CACNG6: variants seen among roughly 807,000 people sequenced by gnomAD.
CACNG6 encodes voltage-dependent calcium channel gamma-6 subunit.
In CACNG6, 21 loss-of-function variants were observed where a neutral mutation model predicts 23.9. That is an observed-to-expected ratio of 0.88 (90% CI 0.62 to 1.26). The LOEUF (loss-of-function observed/expected upper bound fraction) is 1.26. Ranked by LOEUF, CACNG6 falls within the 50% of genes most tolerant of loss-of-function variation. The pLI is 0.00. For synonymous variants in CACNG6, 182 were observed against 168.9 expected, an observed-to-expected ratio of 1.08 and a Z score of -0.60; for missense variants, 340 against 352.9, an observed-to-expected ratio of 0.96 and a Z score of 0.29.
intron 3 of CACNG6, among the ~76,000 whole-genome samples, chr19:54,001,275 G>A (rs981258056): frequency 2.7e-5 from 4 of 150,704 alleles, no homozygotes; most frequent in Non-Finnish European, 4.4e-5. Flanking sequence ...TGCAACCTCC[G>A]CCTCTCAGGT....
At chr19:54,010,616 C>G (rs886892721) in intron 3 of CACNG6, among the ~76,000 whole-genome samples, 4 of 151,904 alleles carry the variant, frequency 2.6e-5, no homozygotes, top group African/African-American at 9.7e-5. Context: ...GCTGTGTTGT[C>G]CAGGCTGGAG....
intron 1 of CACNG6, 75 bp from the exon 2 acceptor site, chr19:53,998,164 G>T: frequency 7.5e-7 from 1 of 1,337,194 alleles, no homozygotes; most frequent in Non-Finnish European, 1.1e-6. Context: ...CCCGTGGGCT[G>T]TTAACTGTCC....
At chr19:54,005,856 G>A (rs978812399) in intron 3 of CACNG6, among the ~76,000 whole-genome samples, 5 of 151,268 alleles carry the variant, frequency 3.3e-5, no homozygotes, top group African/African-American at 9.7e-5. Flanking sequence ...TTTGGGAGCC[G>A]AGGCTGGCAG....
chr19:54,008,747 T>C (rs1175242277), intron 3 of CACNG6, among the ~76,000 whole-genome samples: 3 of 152,210 alleles, frequency 2.0e-5, no homozygotes, highest in African/African-American at 7.2e-5. Flanking sequence ...AAATGGCTTT[T>C]CTCGACACCA....
At chr19:54,008,413 C>T (rs2069669697) in intron 3 of CACNG6, among the ~76,000 whole-genome samples, 2 of 152,052 alleles carry the variant, frequency 1.3e-5, no homozygotes, top group African/African-American at 2.4e-5. Context: ...GGGGCTGGGG[C>T]GCAGGGAGGA....
chr19:53,997,790 T>C (rs2069535123), intron 1 of CACNG6, among the ~76,000 whole-genome samples: 1 of 152,168 alleles, frequency 6.6e-6, no homozygotes, highest in East Asian at 1.9e-4. Context: ...CCGCAGGAGC[T>C]CTTTGTGTGT....
chr19:53,996,200 G>A (rs1490924921), intron 1 of CACNG6, among the ~76,000 whole-genome samples: 3 of 151,866 alleles, frequency 2.0e-5, no homozygotes, highest in African/African-American at 2.4e-5. Context: ...TGTTATTCTC[G>A]ACCTCTCTTC....
chr19:53,991,882 C>A lies in CACNG6; in HGVS notation c.-996C>A, dbSNP rs2069464298. 6.6e-6 allele frequency among the ~76,000 whole-genome samples: 1 copy of A among 152,158 alleles called. No homozygotes were observed. The highest frequency in any genetic ancestry group is 2.1e-4 in the South Asian group (1 of 4,832). On this transcript the variant is annotated 5_prime_UTR_variant, in exon 1 of 4. Coordinates refer to ENST00000252729, the MANE Select transcript of CACNG6 (RefSeq NM_145814.2). Reference sequence around the variant, plus strand: ...AGCGTCTCTTGCGGGTCGCGGTTGGCCTTTGAACCCTGGGGGGACTCAGTC... The same window carrying A: ...AGCGTCTCTTGCGGGTCGCGGTTGGACTTTGAACCCTGGGGGGACTCAGTC...
chr19:54,010,720 G>A (rs564957133), intron 3 of CACNG6, among the ~76,000 whole-genome samples: 74 of 151,898 alleles, frequency 4.9e-4, no homozygotes, highest in African/African-American at 1.7e-3. Flanking sequence ...GACTACAAGC[G>A]TGCACCACCA....
chr19:54,011,119 G>A (rs1365107630), intron 3 of CACNG6, among the ~76,000 whole-genome samples: 3 of 148,336 alleles, frequency 2.0e-5, no homozygotes, highest in Admixed American at 6.9e-5. Flanking sequence ...TTGGGAGGCC[G>A]AGGTGGGTGG....
Position 53,995,151 on chromosome 19 carries a change from A to T in CACNG6, c.331+1943A>T, listed in dbSNP as rs566689212. On this transcript the variant is annotated intron_variant, in intron 1 of 3. Transcript: ENST00000252729. Reference sequence around the variant, plus strand: ...TGCCTCTCTTCTCAACAACTGCATTATATCACATCTCACTGGTCCATCAAG... The same window carrying T: ...TGCCTCTCTTCTCAACAACTGCATTTTATCACATCTCACTGGTCCATCAAG... Among the ~76,000 whole-genome samples, 268 of 152,192 alleles carry T rather than the reference A, an allele frequency of 1.8e-3. 1 individual carries two copies. Among genetic ancestry groups the T allele is most frequent in the African/African-American group, 6.3e-3 (261 of 41,520 alleles).
At position 54,011,203 on chromosome 19, in the gene CACNG6, A is replaced by ATATATAT. The variant is rs1236174156; in HGVS notation, c.545-748_545-747insTATATAT. ...CCCCGTCTCTACTAAAAAAAAAAAA[A>ATATATAT]AAATATATATATATATATATATATA... On this transcript the variant is annotated intron_variant, in intron 3 of 3. Transcript: ENST00000252729. Among the ~76,000 whole-genome samples the ATATATAT allele has an allele frequency of 6.4e-3, 644 of 100,052 alleles. 3 individuals are homozygous for ATATATAT. The highest frequency in any genetic ancestry group is 9.1e-3 in the Non-Finnish European group (504 of 55,402). 65.6% of individuals were successfully genotyped at this position (100,052 alleles called of 152,430 possible). A position where few individuals can be genotyped will look rare whatever the true frequency, so the allele number is the denominator to read the frequency against.
At chr19:53,995,844 T>C (rs945437299) in intron 1 of CACNG6, among the ~76,000 whole-genome samples, 6 of 152,186 alleles carry the variant, frequency 3.9e-5, no homozygotes, top group Admixed American at 6.5e-5. Context: ...GTATTTTTAG[T>C]AGAGACGGGG....
At position 53,992,725 on chromosome 19, in the gene CACNG6, G is replaced by A; in HGVS notation, c.-153G>A. 1 of 439,534 alleles carries A rather than the reference G, an allele frequency of 2.3e-6. No individual in the cohort carries two copies. The highest frequency in any genetic ancestry group is 3.5e-5 in the East Asian group (1 of 28,848). 27.2% of individuals were successfully genotyped at this position (439,534 alleles called of 1,614,324 possible). A position where few individuals can be genotyped will look rare whatever the true frequency, so the allele number is the denominator to read the frequency against. Reference sequence around the variant, plus strand: ...AAGCAATCTCGACTTTCGCATTTGAGATTCCAGACAGGACTCGGCTCTCCC... The same window carrying A: ...AAGCAATCTCGACTTTCGCATTTGAAATTCCAGACAGGACTCGGCTCTCCC... On this transcript the variant is annotated 5_prime_UTR_variant, in exon 1 of 4. Transcript: ENST00000252729. This position sits in a 1 kb window ranked among gnomAD's most constrained non-coding sequence, Gnocchi z 4.1.
Position 53,998,267 on chromosome 19 carries a change from C to T in CACNG6, c.360C>T (p.Phe120=). ...CAAACTGCACCTATTTTAAATTCTT[C>T]ACCACGGGGGAGAATGCACGCATCT... The part of the protein sequence containing the change: ...GEANCTYFKF[F]TTGENARIFQ... Residue 120 remains phenylalanine (F), a synonymous_variant, in exon 2 of 4, where the codon TTC becomes TTT. Transcript: ENST00000252729. The T allele has an allele frequency of 6.2e-7, 1 of 1,614,100 alleles. No homozygotes were observed. Among genetic ancestry groups the T allele is most frequent in the East Asian group, 2.2e-5 (1 of 44,872 alleles).
chr19:54,005,257 A>AAT (rs1568816857), intron 3 of CACNG6, among the ~76,000 whole-genome samples: 3 of 94,952 alleles, frequency 3.2e-5, no homozygotes, highest in African/African-American at 4.8e-5. Flanking sequence ...AAATAATAAT[A>AAT]AAAGAAAGAG....
chr19:53,991,590 G>A (rs2069459417), upstream of CACNG6, among the ~76,000 whole-genome samples: 1 of 149,746 alleles, frequency 6.7e-6, no homozygotes, highest in Non-Finnish European at 1.5e-5. Context: ...GAGGGTGGAG[G>A]GTGGGGGGTG....
intron 3 of CACNG6, among the ~76,000 whole-genome samples, chr19:54,010,144 C>G (rs544924895): frequency 6.6e-6 from 1 of 150,812 alleles, no homozygotes. Context: ...CCTCAGCCTC[C>G]CGAGTAGCTG....
intron 3 of CACNG6, among the ~76,000 whole-genome samples, chr19:54,004,929 GA>G (rs1327595121): frequency 6.8e-6 from 1 of 146,748 alleles, no homozygotes; most frequent in Non-Finnish European, 1.5e-5. Context: ...ATAAATAAAA[GA>G]GGGGGGCGCG....
Sources: gnomAD v4.1 joint callset for allele counts (sites outside exome capture counted in the v4.1 genomes callset) on GRCh38, gnomAD v4.1.1 for gene constraint, Gnocchi (gnomAD v3.1) non-coding constraint, MANE v1.5 for transcripts, NCBI Gene and HGNC (gene_info 2026-07-23, HGNC 2026-07-21) for gene names.